DLG2: variants seen among roughly 807,000 people sequenced by gnomAD.
The protein encoded by DLG2 is discs large MAGUK scaffold protein 2, also known as disks large homolog 2.
Under a neutral mutation model 132.5 loss-of-function variants are expected in DLG2, and 45 were observed. That is an observed-to-expected ratio of 0.34 (90% CI 0.27 to 0.44). The LOEUF (loss-of-function observed/expected upper bound fraction) is 0.44. Among genes scored for constraint, DLG2 ranks in the 20% least tolerant of loss-of-function variants. The pLI, the probability that DLG2 is intolerant of heterozygous loss-of-function variation, is 1.00. For synonymous variants in DLG2, 424 were observed against 419.6 expected (o/e 1.01, Z -0.13); for missense variants, 1,045 against 1,196.9 (o/e 0.87, Z 1.87).
At chr11:85,289,144 T>C (rs925294561) in intron 3 of DLG2, among the ~76,000 whole-genome samples, 2 of 152,160 alleles carry the variant, frequency 1.3e-5, no homozygotes, top group African/African-American at 4.8e-5. Context: ...CATGATTAAG[T>C]CAAAGATGAC....
intron 7 of DLG2, among the ~76,000 whole-genome samples, chr11:84,508,501 C>G (rs1193489286): frequency 6.6e-6 from 1 of 150,738 alleles, no homozygotes; most frequent in Non-Finnish European, 1.5e-5. Flanking sequence ...CTCCCGGGTT[C>G]AAGCCATTCT....
In DLG2 at chr11:85,317,821, C is replaced by T. The variant is rs185959198; in HGVS notation, c.41-32456G>A. Among the ~76,000 whole-genome samples the T allele has an allele frequency of 1.4e-4, 21 of 151,738 alleles. 1 individual carries two copies. Among genetic ancestry groups the T allele is most frequent in the African/African-American group, 4.1e-4 (17 of 41,428 alleles). On this transcript the variant is annotated intron_variant, in intron 3 of 27. Coordinates refer to ENST00000376104, the MANE Select transcript of DLG2 (RefSeq NM_001142699.3). Reference sequence around the variant, plus strand: ...TAACTAATGAGTACTAGGCTTAATACCTGAGTAATGAAATATCTATATAAC... The same window carrying T: ...TAACTAATGAGTACTAGGCTTAATATCTGAGTAATGAAATATCTATATAAC...
chr11:85,226,105 A>G (rs1433222322), intron 4 of DLG2, among the ~76,000 whole-genome samples: 1 of 151,868 alleles, frequency 6.6e-6, no homozygotes, highest in Non-Finnish European at 1.5e-5. Context: ...ATTGCTCTGC[A>G]TATCCATAGT....
In DLG2 at chr11:83,516,432, T is replaced by A. The variant is rs142064507; in HGVS notation, c.2193+16276A>T. On this transcript the variant is annotated intron_variant, in intron 21 of 27. Transcript: ENST00000376104. ...CCTATGTGTGTCTCTGCACATAAGA[T>A]GGGTTTCCTGAATACAGCACACTGG... Among the ~76,000 whole-genome samples, 253 of 152,332 alleles carry A rather than the reference T, an allele frequency of 1.7e-3. 2 individuals carry two copies. Among genetic ancestry groups the A allele is most frequent in the African/African-American group, 5.4e-3 (226 of 41,570 alleles).
At chr11:85,398,398 A>T (rs1366859423) in intron 3 of DLG2, among the ~76,000 whole-genome samples, 3 of 152,164 alleles carry the variant, frequency 2.0e-5, no homozygotes, top group Non-Finnish European at 1.5e-5. Context: ...CACATTCAAA[A>T]GCTAGCAGAA....
intron 5 of DLG2, among the ~76,000 whole-genome samples, chr11:85,127,799 T>C (rs992040815): frequency 6.6e-6 from 1 of 152,188 alleles, no homozygotes; most frequent in Non-Finnish European, 1.5e-5. Context: ...ATTTTAGCTT[T>C]TCCAAATACC....
intron 6 of DLG2, among the ~76,000 whole-genome samples, chr11:84,711,019 TATATATATATATAG>T (rs1565734965): frequency 8.8e-5 from 8 of 90,796 alleles, no homozygotes; most frequent in Non-Finnish European, 1.7e-4. Flanking sequence ...GATATATATA[TATATATATATATAG>T]AGCTGAAAAA....
Position 85,146,227 on chromosome 11 carries a change from C to CCTCTCTCTCTCTCTCTCTCTCT in DLG2, c.282+8307_282+8328dup, listed in dbSNP as rs35640163. 1.5e-4 allele frequency among the ~76,000 whole-genome samples: 19 copies of CCTCTCTCTCTCTCTCTCTCTCT among 129,200 alleles called. 1 individual carries two copies. The highest frequency in any genetic ancestry group is 4.9e-4 in the African/African-American group (16 of 32,874). The allele number at this position is 129,200 out of a possible 152,430, so 84.8% of individuals were successfully genotyped here. On this transcript the variant is annotated intron_variant, in intron 5 of 27. Transcript: ENST00000376104. ...AAGTCTGTCTGTATGTCTGTTTCTC[C>CCTCTCTCTCTCTCTCTCTCTCT]CTCTCTCTCTCTCTCTCTCTCTCTC...
chr11:85,569,176 C>G (rs1202250090), intron 3 of DLG2, among the ~76,000 whole-genome samples: 1 of 152,084 alleles, frequency 6.6e-6, no homozygotes, highest in Non-Finnish European at 1.5e-5. Context: ...GGATTACAGG[C>G]ACCCATCACC....
chr11:84,789,470 T>C (rs1387751193), intron 6 of DLG2, among the ~76,000 whole-genome samples: 1 of 152,162 alleles, frequency 6.6e-6, no homozygotes, highest in Non-Finnish European at 1.5e-5. Flanking sequence ...GTACATGAGA[T>C]ACTTTAATGT....
chr11:84,363,951 C>G (rs1357527354), intron 7 of DLG2, among the ~76,000 whole-genome samples: 1 of 152,092 alleles, frequency 6.6e-6, no homozygotes, highest in Non-Finnish European at 1.5e-5. Flanking sequence ...CATGATGCCT[C>G]CAGCTTTGTT....
At chr11:84,519,097 G>A (rs915533576) in intron 7 of DLG2, among the ~76,000 whole-genome samples, 3 of 152,080 alleles carry the variant, frequency 2.0e-5, no homozygotes, top group African/African-American at 4.8e-5. Flanking sequence ...GAAATGTTAT[G>A]AGTTAGCTAC....
At chr11:84,543,888 A>G (rs978315616) in intron 6 of DLG2, among the ~76,000 whole-genome samples, 1 of 152,204 alleles carries the variant, frequency 6.6e-6, no homozygotes, top group Non-Finnish European at 1.5e-5. Flanking sequence ...ACAAGCCAGG[A>G]TGTTAATTAA....
chr11:83,649,330 C>A (rs2069297304), intron 18 of DLG2, among the ~76,000 whole-genome samples: 1 of 152,146 alleles, frequency 6.6e-6, no homozygotes, highest in Admixed American at 6.6e-5. Context: ...CTCCCAGCTC[C>A]TGTTCCCTCC....
intron 7 of DLG2, among the ~76,000 whole-genome samples, chr11:84,318,567 G>A (rs2098382808): frequency 1.3e-5 from 2 of 152,190 alleles, no homozygotes; most frequent in African/African-American, 2.4e-5. Flanking sequence ...TGCAAGGGCT[G>A]AGATCATAGC....
At chr11:83,460,862 G>A (rs2135989497) in intron 27 of DLG2, among the ~76,000 whole-genome samples, 1 of 152,274 alleles carries the variant, frequency 6.6e-6, no homozygotes, top group East Asian at 1.9e-4. Flanking sequence ...CTTGGTTACT[G>A]ACAGAAAGAT....
intron 9 of DLG2, among the ~76,000 whole-genome samples, chr11:84,124,710 GA>G (rs1304786640): frequency 2.0e-5 from 3 of 151,990 alleles, no homozygotes; most frequent in Non-Finnish European, 4.4e-5. Flanking sequence ...ATCTCTCATG[GA>G]TATCTTATTT....
At chr11:84,384,607 A>C (rs184606254) in intron 7 of DLG2, among the ~76,000 whole-genome samples, 70 of 152,158 alleles carry the variant, frequency 4.6e-4, no homozygotes, top group African/African-American at 1.6e-3. Flanking sequence ...GCAATTTGGA[A>C]AACATTATTT....
At chr11:84,294,470 T>C (rs955500913) in intron 7 of DLG2, among the ~76,000 whole-genome samples, 2 of 152,084 alleles carry the variant, frequency 1.3e-5, no homozygotes, top group Non-Finnish European at 2.9e-5. Context: ...TGTTGGCGCA[T>C]GCCTGTAATC....
Sources: allele counts gnomAD v4.1 joint callset (sites outside exome capture counted in the v4.1 genomes callset), GRCh38; gene constraint gnomAD v4.1.1; transcripts MANE v1.5; gene names NCBI Gene and HGNC (gene_info 2026-07-23, HGNC 2026-07-21).